Variants in VAMP3 observed in about 807,000 individuals in gnomAD.
The protein encoded by VAMP3 is vesicle associated membrane protein 3, also known as vesicle-associated membrane protein 3.
In VAMP3, 11 loss-of-function variants were observed where a neutral mutation model predicts 18.1. The observed-to-expected ratio is 0.61, with a 90% CI of 0.38 to 1.00. VAMP3 has a LOEUF of 1.00. VAMP3 is among the 50% of genes least tolerant of loss of function. The pLI, the probability that VAMP3 is intolerant of heterozygous loss-of-function variation, is 0.01. For synonymous variants in VAMP3, 49 were observed against 43.1 expected, an observed-to-expected ratio of 1.14 and a Z score of -0.53; for missense variants, 122 against 127.3, an observed-to-expected ratio of 0.96 and a Z score of 0.20.
At chr1:7,779,022 C>T (rs540216692) in intron 4 of VAMP3, among the ~76,000 whole-genome samples, 3 of 152,072 alleles carry the variant, frequency 2.0e-5, no homozygotes, top group Non-Finnish European at 2.9e-5. Context: ...GGTGAAACCC[C>T]GTCTCTACTA....
At chr1:7,774,416 A>G (rs1035987295) in intron 2 of VAMP3, among the ~76,000 whole-genome samples, 14 of 152,196 alleles carry the variant, frequency 9.2e-5, no homozygotes, top group African/African-American at 3.1e-4. Context: ...CAAAATTACC[A>G]TAACATACAA....
chr1:7,775,623 A>G (rs781658472), intron 2 of VAMP3, among the ~76,000 whole-genome samples: 1 of 152,242 alleles, frequency 6.6e-6, no homozygotes, highest in East Asian at 1.9e-4. Context: ...TGCTGGGAAT[A>G]TAGGCATGAG....
chr1:7,779,831 G>A lies in VAMP3; in HGVS notation c.*186G>A, dbSNP rs566827706. The A allele has an allele frequency of 3.4e-5, 24 of 712,566 alleles. No individual in the cohort carries two copies. The highest frequency in any genetic ancestry group is 3.8e-4 in the Middle Eastern group (1 of 2,656). 44.1% of individuals were successfully genotyped at this position (712,566 alleles called of 1,614,324 possible). ...CACTCCAAATTAGAAGGCCGGCCCC[G>A]TCCACATTTTGCACAGTGCCTTTAC... On this transcript the variant is annotated 3_prime_UTR_variant, in exon 5 of 5. Transcript: ENST00000054666.
chr1:7,775,886 C>A (rs994256371), intron 2 of VAMP3, among the ~76,000 whole-genome samples: 1 of 152,154 alleles, frequency 6.6e-6, no homozygotes, highest in Non-Finnish European at 1.5e-5. Flanking sequence ...CAACTTCATT[C>A]TTTTGCATGT....
intron 2 of VAMP3, among the ~76,000 whole-genome samples, chr1:7,774,777 A>G (rs1369833042): frequency 6.6e-6 from 1 of 152,230 alleles, no homozygotes; most frequent in South Asian, 2.1e-4. Flanking sequence ...TTGTATGTGT[A>G]TACACAATTT....
At chr1:7,779,198 A>AAAAT (rs757684258) in intron 4 of VAMP3, among the ~76,000 whole-genome samples, 2 of 152,266 alleles carry the variant, frequency 1.3e-5, no homozygotes, top group East Asian at 3.9e-4. Context: ...CCGTCTCAAA[A>AAAAT]AAATAAATAA....
intron 2 of VAMP3, among the ~76,000 whole-genome samples, chr1:7,775,715 T>C (rs1558353413): frequency 6.6e-6 from 1 of 152,242 alleles, no homozygotes; most frequent in African/African-American, 2.4e-5. Context: ...GTTTTTCCTT[T>C]TGTTGTTCTT....
chr1:7,774,122 T>C (rs2097052906), intron 2 of VAMP3, among the ~76,000 whole-genome samples: 4 of 152,238 alleles, frequency 2.6e-5, no homozygotes, highest in African/African-American at 9.6e-5. Flanking sequence ...GACTAGTGTT[T>C]CCACATTCCT....
At position 7,780,105 on chromosome 1, in the gene VAMP3, G is replaced by C. The variant is rs897642380; in HGVS notation, c.*460G>C. 1 of 159,726 alleles carries C rather than the reference G, an allele frequency of 6.3e-6. No homozygotes were observed. The highest frequency in any genetic ancestry group is 1.8e-4 in the South Asian group (1 of 5,624). 9.9% of individuals were successfully genotyped at this position (159,726 alleles called of 1,614,324 possible). ...CTGTGCCTTATTTTGATAATTTTCT[G>C]ATTCCCTAGAAGAGAACCCTCTACT... On this transcript the variant is annotated 3_prime_UTR_variant, in exon 5 of 5. Transcript: ENST00000054666.
In VAMP3 at chr1:7,773,353, CAGTG is replaced by C. The variant is rs2097052385; in HGVS notation, c.3-86_3-83del. 5.8e-6 allele frequency: 6 copies of C among 1,033,490 alleles called. No homozygotes were observed. The South Asian group carries it at 5.9e-5, about 10-fold the overall frequency. 64.0% of individuals were successfully genotyped at this position (1,033,490 alleles called of 1,614,324 possible). On this transcript the variant is annotated intron_variant, in intron 1 of 4. Coordinates refer to ENST00000054666, the MANE Select transcript of VAMP3 (RefSeq NM_004781.4). ...TAGTTCTAATGTAAGAGATTGTTAA[CAGTG>C]AGAGTCCCGGAGTAACATCTTTATA...
At chr1:7,778,346 C>T (rs971450781) in intron 4 of VAMP3, among the ~76,000 whole-genome samples, 177 bp downstream of exon 4, 1 of 152,040 alleles carries the variant, frequency 6.6e-6, no homozygotes, top group Non-Finnish European at 1.5e-5. Context: ...TGAGACCAGC[C>T]TGGGCAACAT....
At chr1:7,778,421 C>G (rs1249667491) in intron 4 of VAMP3, among the ~76,000 whole-genome samples, 1 of 152,036 alleles carries the variant, frequency 6.6e-6, no homozygotes, top group East Asian at 1.9e-4. Context: ...TAAGTCCCAG[C>G]TACTCAGGAG....
intron 2 of VAMP3, among the ~76,000 whole-genome samples, chr1:7,774,281 G>T (rs2097053019): frequency 6.6e-6 from 1 of 152,096 alleles, no homozygotes; most frequent in Non-Finnish European, 1.5e-5. Flanking sequence ...TACAATTTTA[G>T]ATTTTCACAG....
rs1275056604 is a variant in VAMP3 at position 7,780,979 on chromosome 1, G to A, written c.*1334G>A. 1 of 152,790 alleles carries A rather than the reference G, an allele frequency of 6.5e-6. No homozygotes were observed. Among genetic ancestry groups the A allele is most frequent in the Non-Finnish European group, 1.5e-5 (1 of 68,042 alleles). The allele number at this position is 152,790 out of a possible 1,614,324, so 9.5% of individuals were successfully genotyped here. On this transcript the variant is annotated 3_prime_UTR_variant, in exon 5 of 5. Transcript: ENST00000054666. The stretch of plus-strand genomic sequence containing the variant: ...AGCTTAAAGATGGGAATTCAGGTAT[G>A]AAAGAAAACAGGCAAGGAGGCACTG...
Position 7,773,437 on chromosome 1 carries a change from TC to T in VAMP3, c.3-3del. 6.2e-7 allele frequency: 1 copy of T among 1,613,694 alleles called. No individual in the cohort carries two copies. Among genetic ancestry groups the T allele is most frequent in the Non-Finnish European group, 8.5e-7 (1 of 1,179,608 alleles). On this transcript the variant is annotated splice_polypyrimidine_tract_variant and splice_region_variant and intron_variant, in intron 1 of 4. Transcript: ENST00000054666. ...TACTCATGCTCATGCCTTTACATGT[TC>T]CAGGTCTACAGGTCCAACTGCTGCC...
At chr1:7,779,062 G>A (rs2097055757) in intron 4 of VAMP3, among the ~76,000 whole-genome samples, 2 of 152,114 alleles carry the variant, frequency 1.3e-5, no homozygotes, top group South Asian at 2.1e-4. Context: ...GGGTGTGGTC[G>A]CGGGCGCCTG....
intron 2 of VAMP3, among the ~76,000 whole-genome samples, chr1:7,775,723 C>T (rs1258627523): frequency 6.6e-6 from 1 of 152,118 alleles, no homozygotes; most frequent in African/African-American, 2.4e-5. Flanking sequence ...TTTTGTTGTT[C>T]TTGATTTTGG....
At position 7,771,341 on chromosome 1, in the gene VAMP3, C is replaced by G; in HGVS notation, c.-43C>G. ...CTCCGGTCCCAACTTCGCTTCTCTG[C>G]TGACCCTCTCTCGTCGCCGCTGCCG... On this transcript the variant is annotated 5_prime_UTR_variant, in exon 1 of 5. Transcript: ENST00000054666. 6.3e-7 allele frequency: 1 copy of G among 1,593,784 alleles called. No individual in the cohort carries two copies. The highest frequency in any genetic ancestry group is 8.5e-7 in the Non-Finnish European group (1 of 1,172,874).
rs780360326 is a variant in VAMP3, at chr1:7,778,802, T to C, written c.283+633T>C. Among the ~76,000 whole-genome samples the C allele has an allele frequency of 1.7e-4, 26 of 152,194 alleles. 1 individual carries two copies. The highest frequency in any genetic ancestry group is 3.7e-4 in the Non-Finnish European group (25 of 68,036). On this transcript the variant is annotated intron_variant, in intron 4 of 4. Transcript: ENST00000054666. Reference sequence around the variant, plus strand: ...AGCTGTATGGCCGTGGACAAGCAATTTAATATCTCTGGGTTTCTGTTTCCT... The same window carrying C: ...AGCTGTATGGCCGTGGACAAGCAATCTAATATCTCTGGGTTTCTGTTTCCT...
Sources: gnomAD v4.1 joint callset for allele counts (sites outside exome capture counted in the v4.1 genomes callset) on GRCh38, gnomAD v4.1.1 for gene constraint, MANE v1.5 for transcripts, NCBI Gene and HGNC (gene_info 2026-07-23, HGNC 2026-07-21) for gene names.